PRKAG3: variants seen among roughly 807,000 people sequenced by gnomAD.
PRKAG3 encodes the protein protein kinase AMP-activated non-catalytic subunit gamma 3.
Under a neutral mutation model 56.5 loss-of-function variants are expected in PRKAG3, and 39 were observed. That is an observed-to-expected ratio of 0.69 (90% CI 0.53 to 0.90). PRKAG3 has a LOEUF of 0.90. PRKAG3 is among the 40% of genes least tolerant of loss of function. The pLI is 0.00. For synonymous variants in PRKAG3, 243 were observed against 250.1 expected (o/e 0.97, Z 0.27); for missense variants, 628 against 627.5 (o/e 1.00, Z -0.01).
chr2:218,827,828 C>G lies in PRKAG3; in HGVS notation c.820+5G>C. 1 of 1,613,868 alleles carries G rather than the reference C, an allele frequency of 6.2e-7. No homozygotes were observed. Among genetic ancestry groups the G allele is most frequent in the Non-Finnish European group, 8.5e-7 (1 of 1,179,824 alleles). ...AGCCCTTTCCGGGTTCCTCTCCCCA[C>G]TCACCCCTCCAGGTCTCAATCTTAT... is the stretch of plus-strand genomic sequence containing the variant. On this transcript the variant is annotated splice_donor_5th_base_variant and intron_variant, in intron 7 of 12. Coordinates refer to ENST00000529249, the Ensembl canonical transcript of PRKAG3. The surrounding 1 kb of genome is among the most constrained non-coding windows in gnomAD (Gnocchi z 5.3).
intron 5 of PRKAG3, 53 bp downstream of exon 5, chr2:218,828,466 A>C: frequency 6.0e-6 from 9 of 1,510,702 alleles, no homozygotes; most frequent in Non-Finnish European, 8.1e-6. Context: ...CAACCGTACA[A>C]GATCTCCCCC....
exon 12 of PRKAG3, chr2:218,824,320 C>T (rs749027418): frequency 1.2e-6 from 2 of 1,614,136 alleles, no homozygotes; most frequent in East Asian, 2.2e-5. Context: ...CTCAGGGCTT[C>T]TCCCACACTC....
intron 4 of PRKAG3, among the ~76,000 whole-genome samples, chr2:218,829,061 T>C (rs933084025): frequency 1.3e-5 from 2 of 152,132 alleles, no homozygotes; most frequent in African/African-American, 4.8e-5. Flanking sequence ...CTGCACATGC[T>C]GGTTATATTT....
At chr2:218,828,010 G>A (rs1334097533) in exon 6 of PRKAG3, 1 of 1,573,040 alleles carries the variant, frequency 6.4e-7, no homozygotes. Context: ...TCACCAGGGG[G>A]GACCTGTAGT....
chr2:218,831,713 T>C (rs1944022689), intron 1 of PRKAG3, 25 bp downstream of exon 1: 3 of 1,607,074 alleles, frequency 1.9e-6, no homozygotes, highest in Non-Finnish European at 2.5e-6. Flanking sequence ...CTGCCCCGGC[T>C]CCGGCTCCCC....
exon 13 of PRKAG3, chr2:218,823,351 T>G: frequency 3.7e-6 from 1 of 272,188 alleles, no homozygotes; most frequent in Non-Finnish European, 7.2e-6. Flanking sequence ...TCTAAGGGGA[T>G]TTCCAGCAGG....
chr2:218,827,257 A>C lies in PRKAG3; in HGVS notation c.992T>G (p.Leu331Arg). ...TGGGCCCAGGCTTACAAAGATGTGC[A>C]GGAACTTGAGCAGGCGTTTGTGTGT... The change falls in exon 9 of 13, where the codon CTG becomes CGG. Residue 331 changes from leucine to arginine, a missense_variant. Physicochemically the swap from Leu to Arg is moderately radical, Grantham distance 102. Coordinates refer to ENST00000529249, the Ensembl canonical transcript of PRKAG3. This position sits in a 1 kb window ranked among gnomAD's most constrained non-coding sequence, Gnocchi z 5.3. 1.9e-6 allele frequency: 3 copies of C among 1,614,178 alleles called. No homozygotes were observed. The highest frequency in any genetic ancestry group is 2.5e-6 in the Non-Finnish European group (3 of 1,180,034).
Position 218,827,169 on chromosome 2 carries a change from G to A in PRKAG3, c.1003-76C>T. 6.2e-6 allele frequency: 10 copies of A among 1,613,000 alleles called. No homozygotes were observed. Among genetic ancestry groups the A allele is most frequent in the Non-Finnish European group, 8.5e-6 (10 of 1,179,602 alleles). On this transcript the variant is annotated intron_variant, in intron 9 of 12. Transcript: ENST00000529249. The surrounding 1 kb of genome is among the most constrained non-coding windows in gnomAD (Gnocchi z 5.3). ...GGGCTCCCAGCTCTTCCCCACGACTGCTAGGGCTGAAGACTCCTCAGGCCC... is the reference window on the plus strand; with the variant it reads ...GGGCTCCCAGCTCTTCCCCACGACTACTAGGGCTGAAGACTCCTCAGGCCC...
At position 218,828,616 on chromosome 2, in the gene PRKAG3, G is replaced by C; in HGVS notation, c.634-16C>G. ...CCTTCTTGATCTGAGGGGCCAGGGA[G>C]AACAGTCAAGGGTGGGTCCCGAGAG... is the stretch of plus-strand genomic sequence containing the variant. On this transcript the variant is annotated splice_polypyrimidine_tract_variant and intron_variant, in intron 4 of 12. Coordinates refer to ENST00000529249, the Ensembl canonical transcript of PRKAG3. The C allele has an allele frequency of 6.2e-7, 1 of 1,609,860 alleles. No homozygotes were observed. The highest frequency in any genetic ancestry group is 8.5e-7 in the Non-Finnish European group (1 of 1,177,742).
chr2:218,827,189 A>G lies in PRKAG3; in HGVS notation c.1002+58T>C. The G allele has an allele frequency of 1.2e-6, 2 of 1,613,524 alleles. No individual in the cohort carries two copies. The highest frequency in any genetic ancestry group is 8.5e-7 in the Non-Finnish European group (1 of 1,179,722). On this transcript the variant is annotated intron_variant, in intron 9 of 12. Coordinates refer to ENST00000529249, the Ensembl canonical transcript of PRKAG3. The surrounding 1 kb of genome is among the most constrained non-coding windows in gnomAD (Gnocchi z 5.3). Reference sequence around the variant, plus strand: ...CGACTGCTAGGGCTGAAGACTCCTCAGGCCCTCTGATCACCTGCCCAGGTC... The same window carrying G: ...CGACTGCTAGGGCTGAAGACTCCTCGGGCCCTCTGATCACCTGCCCAGGTC...
exon 13 of PRKAG3, chr2:218,823,571 C>T (rs1943884539): frequency 7.9e-7 from 1 of 1,264,352 alleles, no homozygotes; most frequent in Non-Finnish European, 1.1e-6. Context: ...CTCCCATCCT[C>T]AGGGTGTCCC....
rs376517130 is a variant in PRKAG3, at chr2:218,827,419, C to A, written c.876-46G>T. 3.7e-6 allele frequency: 6 copies of A among 1,613,158 alleles called. No homozygotes were observed. The African/African-American group carries it at 6.7e-5, about 18-fold the overall frequency. ...AGCCTCGGGGCAGCCTAGGGAGAGACAACCTCCATCCCAGGCCCCTAAAAA... is the reference window on the plus strand; with the variant it reads ...AGCCTCGGGGCAGCCTAGGGAGAGAAAACCTCCATCCCAGGCCCCTAAAAA... On this transcript the variant is annotated intron_variant, in intron 8 of 12. Transcript: ENST00000529249. The surrounding 1 kb of genome is among the most constrained non-coding windows in gnomAD (Gnocchi z 5.3).
At chr2:218,826,830 C>T in intron 10 of PRKAG3, 98 bp downstream of exon 10, 2 of 1,501,516 alleles carry the variant, frequency 1.3e-6, no homozygotes, top group Non-Finnish European at 1.8e-6. Flanking sequence ...GTACCCCCCA[C>T]AGGGATGGCA....
At chr2:218,824,097 G>A in intron 12 of PRKAG3, 125 bp downstream of exon 12, 2 of 1,484,730 alleles carry the variant, frequency 1.3e-6, no homozygotes, top group Non-Finnish European at 1.9e-6. Flanking sequence ...GCCAGTGTGG[G>A]CACCAGGAGT....
downstream of PRKAG3, chr2:218,822,890 C>T (rs938479635): frequency 2.4e-5 from 24 of 985,360 alleles, no homozygotes; most frequent in South Asian, 2.3e-4. Flanking sequence ...CCCAGTCAGG[C>T]GGCAAGGGGA....
exon 4 of PRKAG3, chr2:218,830,071 G>T (rs35658907): frequency 3.0e-5 from 49 of 1,613,446 alleles, no homozygotes; most frequent in Non-Finnish European, 4.2e-5. Context: ...AGATCTGGGC[G>T]CCGGGTTTCC....
Position 218,823,604 on chromosome 2 carries a change from G to A in PRKAG3, c.*158C>T. The A allele has an allele frequency of 2.7e-6, 4 of 1,489,284 alleles. No individual in the cohort carries two copies. The South Asian group carries it at 4.8e-5, about 18-fold the overall frequency. The allele number at this position is 1,489,284 out of a possible 1,614,324, so 92.3% of individuals were successfully genotyped here. A position where few individuals can be genotyped will look rare whatever the true frequency, so the allele number is the denominator to read the frequency against. On this transcript the variant is annotated 3_prime_UTR_variant, in exon 13 of 13. Transcript: ENST00000529249. ...CCCAATCTGAGATCCAGGAAATCAGGAAGACTAAGAGGCTGGTGTCATGGC... is the reference window on the plus strand; with the variant it reads ...CCCAATCTGAGATCCAGGAAATCAGAAAGACTAAGAGGCTGGTGTCATGGC...
intron 3 of PRKAG3, 102 bp downstream of exon 3, chr2:218,830,644 C>T: frequency 1.4e-6 from 2 of 1,420,226 alleles, no homozygotes. Context: ...TTGGGTCCAA[C>T]TCTGTGTTAT....
chr2:218,828,667 A>G, intron 4 of PRKAG3, 67 bp from the exon 5 acceptor site: 1 of 1,374,216 alleles, frequency 7.3e-7, no homozygotes, highest in Non-Finnish European at 1.0e-6. Context: ...TCTGCCCCTC[A>G]GTGCGCACCT....
Sources: gnomAD v4.1 joint callset for allele counts (sites outside exome capture counted in the v4.1 genomes callset) on GRCh38, gnomAD v4.1.1 for gene constraint, Gnocchi (gnomAD v3.1) non-coding constraint, MANE v1.5 for transcripts, NCBI Gene and HGNC (gene_info 2026-07-23, HGNC 2026-07-21) for gene names.